ENDOV: variants seen among roughly 807,000 people sequenced by gnomAD.
The protein encoded by ENDOV is hEndoV.
A neutral mutation model predicts 39.4 loss-of-function variants in ENDOV; 37 were observed. The observed-to-expected ratio is 0.94, with a 90% CI of 0.72 to 1.23. ENDOV has a LOEUF of 1.23. ENDOV is among the 50% of genes most tolerant of loss of function. The pLI is 0.00. For synonymous variants in ENDOV, 186 were observed against 163.4 expected (o/e 1.14, Z -1.05); for missense variants, 441 against 375.7 (o/e 1.17, Z -1.44).
chr17:80,434,328 ATAAACATTTTGT>A (rs2083485095), intron 9 of ENDOV, among the ~76,000 whole-genome samples: 1 of 152,272 alleles, frequency 6.6e-6, no homozygotes, highest in African/African-American at 2.4e-5. Context: ...ATGGATCAGT[ATAAACATTTTGT>A]TAATCCTGGT....
intron 7 of ENDOV, 77 bp downstream of exon 7, chr17:80,425,697 A>G (rs913934670): frequency 1.3e-6 from 2 of 1,524,542 alleles, no homozygotes; most frequent in African/African-American, 2.8e-5. Flanking sequence ...GCTCCCCAGC[A>G]GCTCAGCTGG....
intron 1 of ENDOV, 33 bp from the exon 2 acceptor site, chr17:80,415,617 C>A: frequency 6.2e-7 from 1 of 1,604,352 alleles, no homozygotes; most frequent in East Asian, 2.3e-5. Flanking sequence ...TGAGGTGTGA[C>A]CCCGACCAAG....
At position 80,415,170 on chromosome 17, in the gene ENDOV, C is replaced by CGG; in HGVS notation, c.-24_-23dup. 1 of 1,611,644 alleles carries CGG rather than the reference C, an allele frequency of 6.2e-7. No individual in the cohort carries two copies. The highest frequency in any genetic ancestry group is 8.5e-7 in the Non-Finnish European group (1 of 1,179,104). On this transcript the variant is annotated 5_prime_UTR_variant, in exon 1 of 10. Coordinates refer to ENST00000518137, the MANE Select transcript of ENDOV (RefSeq NM_173627.5). ...GCGAGTCGCTTCCGGAAGTGACGTG[C>CGG]GGAAGGGGTGCCCGGGACGAAGCCA... is the stretch of plus-strand genomic sequence containing the variant.
intron 8 of ENDOV, 27 bp downstream of exon 8, chr17:80,428,687 T>A (rs1202554991): frequency 6.4e-7 from 1 of 1,558,158 alleles, no homozygotes; most frequent in Admixed American, 1.9e-5. Context: ...GCTGGGGCAC[T>A]AAAGGGGCAT....
At chr17:80,432,482 G>T (rs1432934550) in intron 9 of ENDOV, among the ~76,000 whole-genome samples, 1 of 152,126 alleles carries the variant, frequency 6.6e-6, no homozygotes, top group Non-Finnish European at 1.5e-5. Context: ...AGCAGGCTGG[G>T]CTGGGCTCTC....
At chr17:80,420,338 A>C (rs2081835498) in intron 2 of ENDOV, 1 of 152,268 alleles carries the variant, frequency 6.6e-6, no homozygotes, top group Admixed American at 6.5e-5. Context: ...TCACTGTGCA[A>C]AGTGACTTTT....
chr17:80,430,366 A>G (rs1568253075), intron 9 of ENDOV: 2 of 1,513,952 alleles, frequency 1.3e-6, no homozygotes, highest in South Asian at 1.2e-5. Context: ...TTCATTTTTT[A>G]TTTCACATAT....
chr17:80,431,341 C>T (rs2145131967), intron 9 of ENDOV, among the ~76,000 whole-genome samples: 1 of 152,316 alleles, frequency 6.6e-6, no homozygotes, highest in Non-Finnish European at 1.5e-5. Context: ...GCTGCAGGGG[C>T]AGAGGCTCTG....
chr17:80,416,237 CAAAAAAAAAAA>C (rs35746247), intron 2 of ENDOV: 1 of 68,516 alleles, frequency 1.5e-5, no homozygotes, highest in African/African-American at 6.1e-5. Flanking sequence ...AACTCCATCT[CAAAAAAAAAAA>C]AAAAAAAAAA....
At chr17:80,415,409 A>G in intron 1 of ENDOV, 159 bp downstream of exon 1, 1 of 1,048,806 alleles carries the variant, frequency 9.5e-7, no homozygotes, top group Non-Finnish European at 1.4e-6. Flanking sequence ...GAGGGATCTC[A>G]GGAATTGTAG....
intron 4 of ENDOV, 112 bp downstream of exon 4, chr17:80,422,357 C>A: frequency 7.7e-6 from 10 of 1,300,234 alleles, no homozygotes; most frequent in Non-Finnish European, 1.1e-5. Flanking sequence ...TGCCGCCAGC[C>A]CCCTCCAATG....
At chr17:80,422,023 C>A in intron 3 of ENDOV, 61 bp downstream of exon 3, 1 of 1,587,290 alleles carries the variant, frequency 6.3e-7, no homozygotes, top group Non-Finnish European at 8.5e-7. Flanking sequence ...GGAGGGAAGG[C>A]TGCTGCAGGT....
intron 5 of ENDOV, chr17:80,423,935 G>A (rs1476429849): frequency 1.6e-5 from 7 of 430,994 alleles, no homozygotes; most frequent in Non-Finnish European, 8.2e-6. Context: ...GGGACAGGAC[G>A]GGCTTCCAGG....
chr17:80,415,974 A>C, intron 2 of ENDOV, 153 bp downstream of exon 2: 5 of 942,378 alleles, frequency 5.3e-6, no homozygotes, highest in East Asian at 6.1e-5. Context: ...GCGGTGGCTC[A>C]CGCCTGCAAT....
intron 5 of ENDOV, chr17:80,424,314 G>A: frequency 2.5e-6 from 1 of 399,602 alleles, no homozygotes; most frequent in Non-Finnish European, 4.4e-6. Context: ...CAATGAGCCA[G>A]TCCACCGCCG....
Position 80,421,867 on chromosome 17 carries a change from C to A in ENDOV, c.268C>A (p.Pro90Thr). The A allele has an allele frequency of 6.2e-7, 1 of 1,605,096 alleles. No homozygotes were observed. Among genetic ancestry groups the A allele is most frequent in the Non-Finnish European group, 8.5e-7 (1 of 1,176,488 alleles). The change falls in exon 3 of 10, where the codon CCC (proline) becomes ACC (threonine). Residue 90 changes from proline (P) to threonine (T), a missense_variant. Coordinates refer to ENST00000518137, the MANE Select transcript of ENDOV (RefSeq NM_173627.5). Reference protein sequence around the residue: ...EESRMVSLTAPYVSGFLAFRE... With the variant: ...EESRMVSLTATYVSGFLAFRE... ...GAGCCGCATGGTCAGCCTCACAGCC[C>A]CCTACGTGTCGGGCTTCCTGGCCTT...
At chr17:80,416,397 T>TC (rs574643108) in intron 2 of ENDOV, 1 of 153,230 alleles carries the variant, frequency 6.5e-6, no homozygotes, top group Non-Finnish European at 1.5e-5. Flanking sequence ...TCCACCACGC[T>TC]CCCAGTTGCC....
chr17:80,425,172 A>G, intron 6 of ENDOV, 72 bp downstream of exon 6: 1 of 1,351,240 alleles, frequency 7.4e-7, no homozygotes, highest in South Asian at 1.3e-5. Context: ...ACACAGGTGC[A>G]TGCAGACACG....
intron 2 of ENDOV, chr17:80,418,470 C>G (rs1413524096): frequency 6.6e-6 from 1 of 152,160 alleles, no homozygotes; most frequent in Non-Finnish European, 1.5e-5. Flanking sequence ...TACCATATTT[C>G]TTTTACAACC....
Sources: allele counts gnomAD v4.1 joint callset (sites outside exome capture counted in the v4.1 genomes callset), GRCh38; gene constraint gnomAD v4.1.1; transcripts MANE v1.5; gene names NCBI Gene and HGNC (gene_info 2026-07-23, HGNC 2026-07-21).